The following TALDO1 variants were observed in gnomAD, a reference collection of about 807,000 sequenced individuals.
TALDO1 encodes the protein transaldolase.
In TALDO1, 29 loss-of-function variants were observed where a neutral mutation model predicts 38.1. The ratio of observed to expected loss-of-function variants is 0.76; its 90% CI spans 0.57 to 1.04. The LOEUF (loss-of-function observed/expected upper bound fraction) is 1.04, where lower values mean the gene tolerates loss of function less well. Ranked by LOEUF, TALDO1 falls within the 50% of genes least tolerant of loss-of-function variation. The probability of loss-of-function intolerance (pLI) is 0.00; values close to 1 mark genes in which losing one functional copy is unlikely to be tolerated. For missense variants in TALDO1, 499 were observed against 438.1 expected, an observed-to-expected ratio of 1.14 and a Z score of -1.24; for synonymous variants, 207 against 176.8, an observed-to-expected ratio of 1.17 and a Z score of -1.36.
chr11:751,610 A>G (rs999272250), intron 1 of TALDO1, among the ~76,000 whole-genome samples: 5 of 152,098 alleles, frequency 3.3e-5, no homozygotes, highest in Non-Finnish European at 4.4e-5. Flanking sequence ...CCTGGCCAAC[A>G]TGGTGAAACC....
chr11:758,935 C>T lies in TALDO1; in HGVS notation c.222-15C>T, dbSNP rs1244885972. On this transcript the variant is annotated splice_polypyrimidine_tract_variant and intron_variant, in intron 2 of 7. Coordinates refer to ENST00000319006, the MANE Select transcript of TALDO1 (RefSeq NM_006755.2). ...CAGAAGCTTCTAACCTGCTTTTTTT[C>T]CCTTTGAATTTCAGGTCACAAGAGG... 1.2e-6 allele frequency: 2 copies of T among 1,604,948 alleles called. No homozygotes were observed. The highest frequency in any genetic ancestry group is 1.7e-5 in the Admixed American group (1 of 59,666).
chr11:748,092 G>C (rs1862690917), intron 1 of TALDO1, among the ~76,000 whole-genome samples: 1 of 152,286 alleles, frequency 6.6e-6, no homozygotes, highest in South Asian at 2.1e-4. Context: ...GAGTTCAGGA[G>C]AGATTCAGGG....
At chr11:748,498 G>A (rs1564988934) in intron 1 of TALDO1, among the ~76,000 whole-genome samples, 1 of 152,222 alleles carries the variant, frequency 6.6e-6, no homozygotes. Context: ...GTTTTGTTGA[G>A]AACAAGTAAT....
intron 1 of TALDO1, among the ~76,000 whole-genome samples, chr11:754,767 C>T (rs753787193): frequency 2.7e-4 from 41 of 152,202 alleles, no homozygotes; most frequent in Admixed American, 2.0e-3. Flanking sequence ...CCACTGCACC[C>T]GGCCTGAATT....
chr11:758,433 C>T lies in TALDO1; in HGVS notation c.222-517C>T, dbSNP rs553189490. On this transcript the variant is annotated intron_variant, in intron 2 of 7. Transcript: ENST00000319006. ...CTGTGCTTCCAGCCTTAGCTGGAGA[C>T]CCTGTCTTGGGGGAAAAAAAAAAGG... Among the ~76,000 whole-genome samples, 32 of 149,586 alleles carry T rather than the reference C, an allele frequency of 2.1e-4. No individual in the cohort carries two copies. In the South Asian group the frequency reaches 5.7e-3, roughly 27 times the overall value.
In TALDO1 at chr11:751,384, T is replaced by C. The variant is rs551302064; in HGVS notation, c.97+3806T>C. On this transcript the variant is annotated intron_variant, in intron 1 of 7. Coordinates refer to ENST00000319006, the MANE Select transcript of TALDO1 (RefSeq NM_006755.2). ...ATCTGTCCAAAGAACAAGAGAAAGT[T>C]GGGGCCAGCCTCGGTGGCTCATGCG... 3.7e-4 allele frequency among the ~76,000 whole-genome samples: 56 copies of C among 152,204 alleles called. No homozygotes were observed. In the South Asian group the frequency reaches 0.011, roughly 29 times the overall value.
intron 5 of TALDO1, 66 bp from the exon 6 acceptor site, chr11:763,681 C>T (rs1862996000): frequency 3.1e-6 from 5 of 1,590,602 alleles, no homozygotes; most frequent in Middle Eastern, 1.7e-4. Flanking sequence ...CCGGCAGGCA[C>T]TGGGAGGGCA....
chr11:761,349 A>G (rs555201894), intron 4 of TALDO1, among the ~76,000 whole-genome samples: 84 of 150,898 alleles, frequency 5.6e-4, no homozygotes, highest in African/African-American at 1.2e-3. Context: ...AAAAAAAAAA[A>G]AAAAGAAAAG....
In TALDO1 at chr11:764,845, G is replaced by A; in HGVS notation, c.1014G>A (p.Ter338=). 1 of 1,614,094 alleles carries A rather than the reference G, an allele frequency of 6.2e-7. No individual in the cohort carries two copies. The highest frequency in any genetic ancestry group is 1.7e-5 in the Admixed American group (1 of 60,030). Residue 338 remains the stop codon, a stop_retained_variant, in exon 8 of 8, where the codon TAG becomes TAA. Coordinates refer to ENST00000319006, the MANE Select transcript of TALDO1 (RefSeq NM_006755.2). ...TGTTCAATGCAGAGAATGGAAAGTA[G>A]CGCATCCCTGAGGCTGGACTCCAGA... ...ERMFNAENGK[*]
intron 6 of TALDO1, 118 bp downstream of exon 6, chr11:764,062 G>A: frequency 1.4e-6 from 2 of 1,385,718 alleles, no homozygotes; most frequent in South Asian, 1.3e-5. Flanking sequence ...GGAGACATGA[G>A]GGTGAAGTAG....
At position 762,974 on chromosome 11, in the gene TALDO1, G is replaced by A. The variant is rs140461182; in HGVS notation, c.462-370G>A. ...AGGTGACGGCCTGGCGCAAGAGCAC[G>A]GGCACCCAGAGGGCCTCCCTTGCCT... On this transcript the variant is annotated intron_variant, in intron 4 of 7. Transcript: ENST00000319006. Among the ~76,000 whole-genome samples, 494 of 152,278 alleles carry A rather than the reference G, an allele frequency of 3.2e-3. 6 individuals are homozygous for A. The highest frequency in any genetic ancestry group is 0.011 in the African/African-American group (469 of 41,544).
At chr11:761,874 C>T (rs1862930051) in intron 4 of TALDO1, among the ~76,000 whole-genome samples, 1 of 152,138 alleles carries the variant, frequency 6.6e-6, no homozygotes, top group African/African-American at 2.4e-5. Context: ...GGTCTCGAAC[C>T]CCTGGGCTCA....
intron 1 of TALDO1, chr11:752,275 T>C (rs1862764150): frequency 6.7e-6 from 1 of 149,626 alleles, no homozygotes; most frequent in African/African-American, 2.5e-5. Context: ...AGAGATGGGG[T>C]TTCACCGTGT....
In TALDO1 at chr11:755,956, C is replaced by CA. The variant is rs1190425656; in HGVS notation, c.176dup (p.Glu60GlyfsTer22). 1 of 1,614,042 alleles carries CA rather than the reference C, an allele frequency of 6.2e-7. No homozygotes were observed. On this transcript the variant is annotated frameshift_variant, in exon 2 of 8. Coordinates refer to ENST00000319006, the MANE Select transcript of TALDO1 (RefSeq NM_006755.2). LOFTEE classifies it high-confidence loss of function. ...GGCCGCAGCACAGATGCCCGCTTAC[C>CA]AGGAGCTGGTGGAGGAGGCGATTGC...
At chr11:758,092 G>C (rs533689621) in intron 2 of TALDO1, among the ~76,000 whole-genome samples, 21 of 152,342 alleles carry the variant, frequency 1.4e-4, no homozygotes, top group Admixed American at 1.3e-3. Flanking sequence ...GACCATCCTG[G>C]CTAACACGGT....
At position 756,553 on chromosome 11, in the gene TALDO1, T is replaced by C. The variant is rs556459637; in HGVS notation, c.221+551T>C. Among the ~76,000 whole-genome samples the C allele has an allele frequency of 3.6e-3, 548 of 150,484 alleles. 3 individuals are homozygous for C. Among genetic ancestry groups the C allele is most frequent in the African/African-American group, 0.012 (494 of 40,984 alleles). ...TTTTTGAGACAGAGTTTTGCTTTTG[T>C]TGTCCAGGCTGGAGTGCACTGGCAC... is the stretch of plus-strand genomic sequence containing the variant. On this transcript the variant is annotated intron_variant, in intron 2 of 7. Coordinates refer to ENST00000319006, the MANE Select transcript of TALDO1 (RefSeq NM_006755.2).
chr11:760,265 C>T lies in TALDO1; in HGVS notation c.461+12C>T, dbSNP rs1397318559. On this transcript the variant is annotated intron_variant, in intron 4 of 7. Coordinates refer to ENST00000319006, the MANE Select transcript of TALDO1 (RefSeq NM_006755.2). Reference sequence around the variant, plus strand: ...ATTCAGGCTGGAAAGTAAGTGGTCCCCCACAAGGAAGGAGCTCTCAGAGAT... The same window carrying T: ...ATTCAGGCTGGAAAGTAAGTGGTCCTCCACAAGGAAGGAGCTCTCAGAGAT... The T allele has an allele frequency of 1.2e-6, 2 of 1,613,606 alleles. No homozygotes were observed. Among genetic ancestry groups the T allele is most frequent in the Admixed American group, 1.7e-5 (1 of 60,012 alleles).
chr11:758,575 G>T (rs1266631336), intron 2 of TALDO1, among the ~76,000 whole-genome samples: 2 of 151,964 alleles, frequency 1.3e-5, no homozygotes, highest in Non-Finnish European at 2.9e-5. Flanking sequence ...AATTTATTTT[G>T]TAGAGTCTTG....
At chr11:751,970 C>G (rs1266488479) in intron 1 of TALDO1, among the ~76,000 whole-genome samples, 2 of 152,200 alleles carry the variant, frequency 1.3e-5, no homozygotes, top group Admixed American at 6.6e-5. Flanking sequence ...ATTTCCATCA[C>G]TGACCTTCTC....
Sources: gnomAD v4.1 joint callset for allele counts (sites outside exome capture counted in the v4.1 genomes callset) on GRCh38, gnomAD v4.1.1 for gene constraint, MANE v1.5 for transcripts, NCBI Gene and HGNC (gene_info 2026-07-23, HGNC 2026-07-21) for gene names.